Variants in CNNM2 observed in about 807,000 individuals in gnomAD.
The protein encoded by CNNM2 is metal transporter CNNM2.
Under a neutral mutation model 66.9 loss-of-function variants are expected in CNNM2, and 12 were observed. The ratio of observed to expected loss-of-function variants is 0.18; its 90% CI spans 0.11 to 0.29. CNNM2 has a LOEUF of 0.29. Among genes scored for constraint, CNNM2 ranks in the 10% least tolerant of loss-of-function variants. The pLI, the probability that CNNM2 is intolerant of heterozygous loss-of-function variation, is 1.00. For synonymous variants in CNNM2, 557 were observed against 501.8 expected, an observed-to-expected ratio of 1.11 and a Z score of -1.47; for missense variants, 705 against 1,167.7, an observed-to-expected ratio of 0.60 and a Z score of 5.77.
chr10:102,955,585 G>C (rs867717304), intron 1 of CNNM2, among the ~76,000 whole-genome samples: 3 of 152,124 alleles, frequency 2.0e-5, no homozygotes, highest in African/African-American at 7.2e-5. Context: ...GAGTGAACAG[G>C]CAACCTACAG....
intron 1 of CNNM2, among the ~76,000 whole-genome samples, chr10:102,944,580 T>TTGTG (rs1491515699): frequency 1.2e-5 from 1 of 83,648 alleles, no homozygotes; most frequent in African/African-American, 4.2e-5. Flanking sequence ...TTGTATCTTT[T>TTGTG]CGTGTGTGTG....
chr10:102,924,062 G>A (rs1209453238), intron 1 of CNNM2, among the ~76,000 whole-genome samples: 1 of 152,074 alleles, frequency 6.6e-6, no homozygotes, highest in Non-Finnish European at 1.5e-5. Flanking sequence ...CTTTTTTTGT[G>A]TGTGTTAGTT....
At chr10:103,059,415 A>C (rs937418379) in intron 4 of CNNM2, among the ~76,000 whole-genome samples, 1 of 152,238 alleles carries the variant, frequency 6.6e-6, no homozygotes, top group Non-Finnish European at 1.5e-5. Flanking sequence ...AAATAGAAAC[A>C]CATCATTTTT....
At chr10:103,000,333 A>G (rs112772678) in intron 1 of CNNM2, among the ~76,000 whole-genome samples, 339 of 152,320 alleles carry the variant, frequency 2.2e-3, no homozygotes, top group African/African-American at 7.6e-3. Flanking sequence ...TCAAAAAGTT[A>G]AAAATAGAAT....
At chr10:103,036,705 G>A (rs376887670) in intron 1 of CNNM2, among the ~76,000 whole-genome samples, 3 of 152,094 alleles carry the variant, frequency 2.0e-5, no homozygotes, top group East Asian at 3.8e-4. Flanking sequence ...GACCTCACTC[G>A]GGTTTTCAAA....
At chr10:103,064,041 C>A in intron 4 of CNNM2, among the ~76,000 whole-genome samples, 1 of 152,214 alleles carries the variant, frequency 6.6e-6, no homozygotes, top group Non-Finnish European at 1.5e-5. Flanking sequence ...AGCTTAAATC[C>A]TATAGAGAGG....
intron 1 of CNNM2, among the ~76,000 whole-genome samples, chr10:102,930,521 A>T (rs1232887553): frequency 1.3e-5 from 2 of 152,230 alleles, no homozygotes; most frequent in Non-Finnish European, 2.9e-5. Context: ...CTGCTGAAAC[A>T]GTTGGTTCTT....
intron 1 of CNNM2, among the ~76,000 whole-genome samples, chr10:103,035,631 A>T (rs1455950987): frequency 6.6e-6 from 1 of 152,162 alleles, no homozygotes; most frequent in Non-Finnish European, 1.5e-5. Context: ...TAATGACTGG[A>T]ATTTTCTATT....
chr10:102,935,026 G>A (rs1043103656), intron 1 of CNNM2, among the ~76,000 whole-genome samples: 1 of 151,862 alleles, frequency 6.6e-6, no homozygotes, highest in Non-Finnish European at 1.5e-5. Context: ...GGGCATGGTG[G>A]CGGGCACCTG....
At chr10:103,001,024 C>CATATGCTA (rs1356992668) in intron 1 of CNNM2, among the ~76,000 whole-genome samples, 1 of 152,188 alleles carries the variant, frequency 6.6e-6, no homozygotes. Context: ...GAAATTCTGA[C>CATATGCTA]ATATGCTACA....
At chr10:102,993,792 T>C (rs529022355) in intron 1 of CNNM2, among the ~76,000 whole-genome samples, 6 of 152,106 alleles carry the variant, frequency 3.9e-5, no homozygotes, top group South Asian at 2.1e-4. Context: ...GGGTATACTT[T>C]TCCTTCCTTC....
At chr10:103,069,926 A>T (rs2134361832) in intron 5 of CNNM2, among the ~76,000 whole-genome samples, 1 of 152,396 alleles carries the variant, frequency 6.6e-6, no homozygotes, top group Non-Finnish European at 1.5e-5. Flanking sequence ...AGATGCCTCC[A>T]GACAAGACTG....
intron 1 of CNNM2, among the ~76,000 whole-genome samples, chr10:102,939,447 C>G (rs533086587): frequency 1.3e-5 from 2 of 152,256 alleles, no homozygotes; most frequent in African/African-American, 4.8e-5. Context: ...GTTACCTTTC[C>G]TCTCTTGCTT....
At chr10:103,000,947 G>T (rs1180249415) in intron 1 of CNNM2, among the ~76,000 whole-genome samples, 1 of 152,168 alleles carries the variant, frequency 6.6e-6, no homozygotes, top group East Asian at 1.9e-4. Context: ...CTGTCCATCA[G>T]TGGATGAATG....
chr10:103,052,216 G>C (rs1234683189), intron 2 of CNNM2, among the ~76,000 whole-genome samples: 1 of 151,366 alleles, frequency 6.6e-6, no homozygotes, highest in African/African-American at 2.4e-5. Flanking sequence ...AGGAGGCAGA[G>C]GTTGCAGTGA....
intron 1 of CNNM2, among the ~76,000 whole-genome samples, chr10:102,997,764 TAAGC>T (rs2064031493): frequency 6.6e-6 from 1 of 152,168 alleles, no homozygotes; most frequent in Non-Finnish European, 1.5e-5. Flanking sequence ...GCTACAATAT[TAAGC>T]AAGAAAGATA....
chr10:103,055,358 C>T (rs1338323407), intron 3 of CNNM2, among the ~76,000 whole-genome samples: 1 of 152,224 alleles, frequency 6.6e-6, no homozygotes, highest in Non-Finnish European at 1.5e-5. Context: ...TGCTGTTTAA[C>T]TCTTTAAGGT....
At chr10:102,944,526 A>G (rs186040031) in intron 1 of CNNM2, among the ~76,000 whole-genome samples, 108 of 151,830 alleles carry the variant, frequency 7.1e-4, no homozygotes, top group African/African-American at 2.4e-3. Context: ...GAATTCCCTT[A>G]TACTCTTCAT....
At chr10:102,938,383 G>T (rs1053972295) in intron 1 of CNNM2, among the ~76,000 whole-genome samples, 2 of 151,638 alleles carry the variant, frequency 1.3e-5, no homozygotes, top group African/African-American at 4.8e-5. Context: ...GGCGGCGCTT[G>T]CAGTGAGCCA....
Sources: gnomAD v4.1 joint callset for allele counts (sites outside exome capture counted in the v4.1 genomes callset) on GRCh38, gnomAD v4.1.1 for gene constraint, MANE v1.5 for transcripts, NCBI Gene and HGNC (gene_info 2026-07-23, HGNC 2026-07-21) for gene names.